The following RSRC1 variants were observed in gnomAD, a reference collection of about 807,000 sequenced individuals.
RSRC1 encodes arginine and serine rich coiled-coil 1.
A neutral mutation model predicts 49.1 loss-of-function variants in RSRC1; 39 were observed. The observed-to-expected ratio is 0.79, with a 90% confidence interval of 0.61 to 1.04. RSRC1 has a LOEUF of 1.04. Among genes scored for constraint, RSRC1 ranks in the 50% least tolerant of loss-of-function variants. The pLI, the probability that RSRC1 is intolerant of heterozygous loss-of-function variation, is 0.00. For synonymous variants in RSRC1, 143 were observed against 130.8 expected (o/e 1.09, Z -0.63); for missense variants, 388 against 402.4 (o/e 0.96, Z 0.31).
In RSRC1 at chr3:158,444,800, C is replaced by T. The variant is rs191452784; in HGVS notation, c.584-16135C>T. ...ATCCAGAATCTACAAAGAACTCAAACAAATTTACAAGAAAAAAACAACCCC... is the reference window on the plus strand; with the variant it reads ...ATCCAGAATCTACAAAGAACTCAAATAAATTTACAAGAAAAAAACAACCCC... On this transcript the variant is annotated intron_variant, in intron 6 of 9. Coordinates refer to ENST00000611884, the MANE Select transcript of RSRC1 (RefSeq NM_001271838.2). Among the ~76,000 whole-genome samples, 1,136 of 151,870 alleles carry T rather than the reference C, an allele frequency of 7.5e-3. 10 individuals carry two copies. Among genetic ancestry groups the T allele is most frequent in the African/African-American group, 0.027 (1,105 of 41,474 alleles).
intron 1 of RSRC1, among the ~76,000 whole-genome samples, chr3:158,120,773 C>T (rs1424211288): frequency 4.7e-5 from 7 of 149,340 alleles, no homozygotes; most frequent in Admixed American, 1.3e-4. Flanking sequence ...TTTATAGTGA[C>T]GGTATTTAAC....
At chr3:158,316,472 A>G (rs2108155725) in intron 5 of RSRC1, among the ~76,000 whole-genome samples, 2 of 93,802 alleles carry the variant, frequency 2.1e-5, no homozygotes, top group Non-Finnish European at 1.9e-5. Context: ...TTTGAGACGG[A>G]GTCTCGCTGT....
chr3:158,438,143 A>G (rs576199474), intron 6 of RSRC1, among the ~76,000 whole-genome samples: 89 of 152,308 alleles, frequency 5.8e-4, no homozygotes, highest in Non-Finnish European at 9.6e-4. Flanking sequence ...GGAGAACTAC[A>G]AACCACTGCT....
intron 4 of RSRC1, among the ~76,000 whole-genome samples, chr3:158,278,685 T>C (rs1481667381): frequency 2.0e-5 from 3 of 152,218 alleles, no homozygotes; most frequent in Non-Finnish European, 2.9e-5. Context: ...TAATAGTTTT[T>C]AAGCAAGTTT....
intron 4 of RSRC1, among the ~76,000 whole-genome samples, chr3:158,261,580 G>C (rs992983224): frequency 6.6e-6 from 1 of 152,220 alleles, no homozygotes; most frequent in Admixed American, 6.5e-5. Flanking sequence ...CAGGAGGTGA[G>C]TTGTGGAGTA....
intron 6 of RSRC1, among the ~76,000 whole-genome samples, chr3:158,372,042 G>GTTTTTTTTTTTTTTTTTTTTTTTTTT (rs1380098621): frequency 6.6e-6 from 1 of 151,622 alleles, no homozygotes; most frequent in Non-Finnish European, 1.5e-5. Flanking sequence ...CAGTTGCTGA[G>GTTTTTTTTTTTTTTTTTTTTTTTTTT]TTTTAAGAGT....
intron 7 of RSRC1, among the ~76,000 whole-genome samples, chr3:158,503,649 AG>A (rs1428350705): frequency 6.6e-6 from 1 of 152,082 alleles, no homozygotes; most frequent in Non-Finnish European, 1.5e-5. Context: ...TGAGTCATGC[AG>A]GTTGTTACGG....
chr3:158,444,091 T>G (rs1736541598), intron 6 of RSRC1, among the ~76,000 whole-genome samples: 1 of 152,130 alleles, frequency 6.6e-6, no homozygotes, highest in African/African-American at 2.4e-5. Flanking sequence ...GATGTAATAA[T>G]AGCTAAAAAG....
intron 1 of RSRC1, among the ~76,000 whole-genome samples, chr3:158,121,719 G>A (rs1227453309): frequency 6.6e-6 from 1 of 152,208 alleles, no homozygotes; most frequent in Admixed American, 6.5e-5. Flanking sequence ...TATAATTAAT[G>A]AGAAATATAA....
chr3:158,373,311 C>T (rs536793632), intron 6 of RSRC1, among the ~76,000 whole-genome samples: 1 of 151,946 alleles, frequency 6.6e-6, no homozygotes, highest in East Asian at 1.9e-4. Context: ...ATTTCTGATC[C>T]TAATGAGAAA....
intron 6 of RSRC1, among the ~76,000 whole-genome samples, chr3:158,398,294 G>A (rs1733712866): frequency 6.6e-6 from 1 of 152,052 alleles, no homozygotes; most frequent in South Asian, 2.1e-4. Context: ...GGAGGTCCAC[G>A]ATATAGGCAC....
At chr3:158,242,491 T>A (rs1723650871) in intron 4 of RSRC1, among the ~76,000 whole-genome samples, 1 of 152,210 alleles carries the variant, frequency 6.6e-6, no homozygotes, top group Non-Finnish European at 1.5e-5. Context: ...TTTGCTATTG[T>A]GAATAATGCT....
rs934094822 is a variant in RSRC1 at position 158,412,031 on chromosome 3, A to G, written c.584-48904A>G. On this transcript the variant is annotated intron_variant, in intron 6 of 9. Transcript: ENST00000611884. ...GCCATTGATATCTTTGTTATCTGCC[A>G]TTTTTATCCTAAAGATAGTTAAAGA... Among the ~76,000 whole-genome samples the G allele has an allele frequency of 6.6e-5, 10 of 152,144 alleles. 1 individual carries two copies. The highest frequency in any genetic ancestry group is 2.4e-5 in the African/African-American group (1 of 41,442).
At chr3:158,387,030 C>G (rs1428589986) in intron 6 of RSRC1, among the ~76,000 whole-genome samples, 2 of 151,654 alleles carry the variant, frequency 1.3e-5, no homozygotes, top group African/African-American at 2.4e-5. Context: ...TAATATAACC[C>G]GAAGTCACAT....
chr3:158,542,076 T>TCA (rs974896324), intron 8 of RSRC1, among the ~76,000 whole-genome samples: 6 of 152,066 alleles, frequency 3.9e-5, no homozygotes, highest in African/African-American at 1.2e-4. Context: ...TTTCAAACTT[T>TCA]TATATATATA....
intron 3 of RSRC1, among the ~76,000 whole-genome samples, chr3:158,137,675 T>A (rs1390227443): frequency 7.0e-6 from 1 of 142,100 alleles, no homozygotes; most frequent in Non-Finnish European, 1.5e-5. Context: ...TTTTTTGAGA[T>A]GGAGTCTTGC....
At chr3:158,376,780 T>C (rs1732399062) in intron 6 of RSRC1, among the ~76,000 whole-genome samples, 1 of 152,242 alleles carries the variant, frequency 6.6e-6, no homozygotes, top group African/African-American at 2.4e-5. Context: ...GGAGTTTAAA[T>C]ACAATCAGCA....
intron 4 of RSRC1, among the ~76,000 whole-genome samples, chr3:158,235,640 GTTT>G (rs1559955432): frequency 2.0e-5 from 3 of 151,846 alleles, no homozygotes; most frequent in Non-Finnish European, 2.9e-5. Flanking sequence ...AAGATTAAAT[GTTT>G]ACATATAATT....
intron 4 of RSRC1, among the ~76,000 whole-genome samples, chr3:158,256,441 G>A (rs1210890005): frequency 1.3e-5 from 2 of 152,128 alleles, no homozygotes; most frequent in South Asian, 4.1e-4. Context: ...GCTTTTTGAT[G>A]TGCTGCTGGA....
Sources: gnomAD v4.1 joint callset for allele counts (sites outside exome capture counted in the v4.1 genomes callset) on GRCh38, gnomAD v4.1.1 for gene constraint, MANE v1.5 for transcripts, NCBI Gene and HGNC (gene_info 2026-07-23, HGNC 2026-07-21) for gene names.